LRRC38: variants seen among roughly 807,000 people sequenced by gnomAD.
LRRC38 encodes leucine rich repeat containing 38, also known as leucine-rich repeat-containing protein 38.
LRRC38 carries 5 observed loss-of-function variants against 16.4 expected under a neutral mutation model. The ratio of observed to expected loss-of-function variants is 0.31; its 90% CI spans 0.16 to 0.64. The LOEUF (loss-of-function observed/expected upper bound fraction) is 0.64. LRRC38 is among the 30% of genes least tolerant of loss of function. LRRC38 has a pLI of 0.80. For missense variants in LRRC38, 341 were observed against 401.8 expected (o/e 0.85, Z 1.29); for synonymous variants, 191 against 190.2 (o/e 1.00, Z -0.04).
chr1:13,475,733 GTT>G lies in LRRC38; in HGVS notation c.*111_*112del. On this transcript the variant is annotated 3_prime_UTR_variant, in exon 2 of 2. Coordinates refer to ENST00000376085, the MANE Select transcript of LRRC38 (RefSeq NM_001010847.2). The surrounding 1 kb of genome is among the most constrained non-coding windows in gnomAD (Gnocchi z 4.3). The stretch of plus-strand genomic sequence containing the variant: ...GGGGCCAAGACACGGAACAGGCTCT[GTT>G]CAGTTCACAGATGGTGGCCAGTGCT... 7.3e-7 allele frequency: 1 copy of G among 1,378,512 alleles called. No individual in the cohort carries two copies. The highest frequency in any genetic ancestry group is 9.8e-7 in the Non-Finnish European group (1 of 1,022,822). The allele number at this position is 1,378,512 out of a possible 1,614,324, so 85.4% of individuals were successfully genotyped here. A position where few individuals can be genotyped will look rare whatever the true frequency, so the allele number is the denominator to read the frequency against.
At chr1:13,496,136 A>G (rs897789911) in intron 1 of LRRC38, among the ~76,000 whole-genome samples, 4 of 151,632 alleles carry the variant, frequency 2.6e-5, no homozygotes, top group African/African-American at 9.7e-5. Flanking sequence ...TCATGCCTCA[A>G]TGATCAGCAG....
intron 1 of LRRC38, among the ~76,000 whole-genome samples, chr1:13,496,450 G>C (rs1031901311): frequency 3.3e-5 from 5 of 152,020 alleles, no homozygotes; most frequent in Non-Finnish European, 7.4e-5. Context: ...GGGATTACAG[G>C]CTGAGCCACC....
intron 1 of LRRC38, among the ~76,000 whole-genome samples, chr1:13,505,387 T>C (rs1463856165): frequency 6.6e-6 from 1 of 152,116 alleles, no homozygotes; most frequent in Non-Finnish European, 1.5e-5. Context: ...TTCTGGGCCC[T>C]GCCTTGGCTG....
intron 1 of LRRC38, 39 bp downstream of exon 1, chr1:13,512,924 C>CCCCCA: frequency 1.6e-6 from 2 of 1,215,338 alleles, no homozygotes; most frequent in Non-Finnish European, 2.3e-6. Flanking sequence ...TCTCCCTGCC[C>CCCCCA]CCCTCCCTCC....
intron 1 of LRRC38, among the ~76,000 whole-genome samples, chr1:13,511,421 C>G (rs915218474): frequency 6.6e-6 from 1 of 151,992 alleles, no homozygotes; most frequent in Non-Finnish European, 1.5e-5. Flanking sequence ...CGCAAGAATT[C>G]TAGAGATGAG....
intron 1 of LRRC38, among the ~76,000 whole-genome samples, chr1:13,507,097 G>A (rs1639222728): frequency 6.6e-6 from 1 of 152,206 alleles, no homozygotes; most frequent in Non-Finnish European, 1.5e-5. Flanking sequence ...GGTTTTTGGG[G>A]CCAGAGTAGG....
intron 1 of LRRC38, among the ~76,000 whole-genome samples, chr1:13,481,144 G>A (rs796401391): frequency 1.3e-4 from 20 of 152,120 alleles, no homozygotes; most frequent in African/African-American, 4.8e-4. Context: ...CCTCCAACAA[G>A]ATGGAGTCTC....
At chr1:13,476,254 GAA>G (rs70981221) in intron 1 of LRRC38, among the ~76,000 whole-genome samples, 155 bp from the exon 2 acceptor site, 15 of 132,568 alleles carry the variant, frequency 1.1e-4, no homozygotes, top group East Asian at 8.9e-4. Flanking sequence ...ATTTAAACTT[GAA>G]AAAAAAAAAA....
intron 1 of LRRC38, among the ~76,000 whole-genome samples, chr1:13,505,318 C>T (rs533811831): frequency 3.7e-4 from 57 of 152,304 alleles, no homozygotes; most frequent in African/African-American, 1.2e-3. Context: ...AGGGGGCTAC[C>T]GGGGATTTGA....
chr1:13,480,028 C>T (rs554871093), intron 1 of LRRC38, among the ~76,000 whole-genome samples: 12 of 152,346 alleles, frequency 7.9e-5, no homozygotes, highest in Admixed American at 1.3e-4. Context: ...GCCAGCAACA[C>T]CTCCCACCCA....
intron 1 of LRRC38, among the ~76,000 whole-genome samples, chr1:13,484,294 C>G (rs559203159): frequency 1.5e-4 from 23 of 152,258 alleles, no homozygotes; most frequent in African/African-American, 2.9e-4. Context: ...TCCATCTCCC[C>G]CTTCCCTCTT....
chr1:13,503,145 C>T (rs538502555), intron 1 of LRRC38, among the ~76,000 whole-genome samples: 1 of 152,308 alleles, frequency 6.6e-6, no homozygotes, highest in African/African-American at 2.4e-5. Context: ...CATCAGCTTA[C>T]ATCAGAATGA....
chr1:13,513,603 GC>G lies in LRRC38; in HGVS notation c.-11del, dbSNP rs1639303747. Reference sequence around the variant, plus strand: ...GGGCTCGGGGGCGCATGGCCGGGGGGCCCGCGCCGGCCGCGGCGAGAAGGAA... The same window carrying G: ...GGGCTCGGGGGCGCATGGCCGGGGGGCCGCGCCGGCCGCGGCGAGAAGGAA... On this transcript the variant is annotated 5_prime_UTR_variant, in exon 1 of 2. Coordinates refer to ENST00000376085, the MANE Select transcript of LRRC38 (RefSeq NM_001010847.2). The G allele has an allele frequency of 9.2e-7, 1 of 1,084,574 alleles. No individual in the cohort carries two copies. The highest frequency in any genetic ancestry group is 5.2e-5 in the Admixed American group (1 of 19,212). 67.2% of individuals were successfully genotyped at this position (1,084,574 alleles called of 1,614,324 possible).
At chr1:13,509,172 C>T (rs938202305) in intron 1 of LRRC38, among the ~76,000 whole-genome samples, 1 of 152,104 alleles carries the variant, frequency 6.6e-6, no homozygotes, top group Non-Finnish European at 1.5e-5. Context: ...TTCCTCCCAG[C>T]CTTGCCCTCC....
chr1:13,498,434 C>G (rs534531223), intron 1 of LRRC38, among the ~76,000 whole-genome samples: 10 of 152,172 alleles, frequency 6.6e-5, no homozygotes, highest in Admixed American at 3.9e-4. Context: ...AGTTCAAGAC[C>G]AGCCTGAGCA....
intron 1 of LRRC38, among the ~76,000 whole-genome samples, chr1:13,501,398 A>G (rs989924483): frequency 6.6e-6 from 1 of 152,000 alleles, no homozygotes; most frequent in African/African-American, 2.4e-5. Flanking sequence ...AACAAAGTCT[A>G]TTAATTATTT....
At chr1:13,483,657 G>A (rs1230613042) in intron 1 of LRRC38, among the ~76,000 whole-genome samples, 1 of 152,148 alleles carries the variant, frequency 6.6e-6, no homozygotes, top group East Asian at 1.9e-4. Context: ...ACCCCAGGCT[G>A]GGCCACTTCA....
chr1:13,496,870 G>C (rs1639086487), intron 1 of LRRC38, among the ~76,000 whole-genome samples: 1 of 152,178 alleles, frequency 6.6e-6, no homozygotes, highest in Non-Finnish European at 1.5e-5. Flanking sequence ...GTGGGGTGCA[G>C]GGTTCAATGG....
intron 1 of LRRC38, among the ~76,000 whole-genome samples, chr1:13,492,427 G>A (rs1021007898): frequency 2.0e-5 from 3 of 152,144 alleles, no homozygotes; most frequent in African/African-American, 4.8e-5. Context: ...TTGGCCGGGT[G>A]CGGTGGCTTA....
Sources: allele counts gnomAD v4.1 joint callset (sites outside exome capture counted in the v4.1 genomes callset), GRCh38; gene constraint gnomAD v4.1.1; non-coding constraint Gnocchi (gnomAD v3.1); transcripts MANE v1.5; gene names NCBI Gene and HGNC (gene_info 2026-07-23, HGNC 2026-07-21).